ASIC2: variants seen among roughly 807,000 people sequenced by gnomAD.
The protein encoded by ASIC2 is acid sensing ion channel subunit 2, also known as acid-sensing ion channel 2.
ASIC2 carries 25 observed loss-of-function variants against 57.3 expected under a neutral mutation model. That is an observed-to-expected ratio of 0.44 (90% confidence interval 0.32 to 0.61). ASIC2 has a LOEUF of 0.61. ASIC2 is among the 20% of genes least tolerant of loss of function. The pLI, the probability that ASIC2 is intolerant of heterozygous loss-of-function variation, is 0.06. For synonymous variants in ASIC2, 319 were observed against 307.5 expected, an observed-to-expected ratio of 1.04 and a Z score of -0.39; for missense variants, 641 against 738.1, an observed-to-expected ratio of 0.87 and a Z score of 1.52.
chr17:34,149,775 G>A (rs1477375970), intron 1 of ASIC2, among the ~76,000 whole-genome samples: 1 of 152,224 alleles, frequency 6.6e-6, no homozygotes, highest in Non-Finnish European at 1.5e-5. Flanking sequence ...GTGAGCCCTT[G>A]TACACTGTGG....
At chr17:33,628,293 C>G (rs74650934) in intron 1 of ASIC2, among the ~76,000 whole-genome samples, 2 of 143,512 alleles carry the variant, frequency 1.4e-5, no homozygotes, top group Non-Finnish European at 1.5e-5. Flanking sequence ...CCTGTCTGGT[C>G]TTTTTTTTTT....
At chr17:33,116,735 C>A (rs2092282776) in intron 1 of ASIC2, among the ~76,000 whole-genome samples, 2 of 152,126 alleles carry the variant, frequency 1.3e-5, no homozygotes, top group Admixed American at 6.5e-5. Context: ...ATTGAGATTG[C>A]ATATACATAG....
At chr17:33,372,519 C>T (rs1909111291) in intron 1 of ASIC2, among the ~76,000 whole-genome samples, 1 of 152,120 alleles carries the variant, frequency 6.6e-6, no homozygotes, top group Non-Finnish European at 1.5e-5. Flanking sequence ...TGCAGGTGAC[C>T]TTCTGGAACT....
chr17:33,723,173 A>G (rs886523545), intron 1 of ASIC2, among the ~76,000 whole-genome samples: 2 of 152,248 alleles, frequency 1.3e-5, no homozygotes, highest in African/African-American at 4.8e-5. Flanking sequence ...GTCTAGTCAT[A>G]CAATAAAATA....
intron 1 of ASIC2, among the ~76,000 whole-genome samples, chr17:33,601,309 G>A (rs1369520510): frequency 2.0e-5 from 3 of 152,174 alleles, no homozygotes; most frequent in Non-Finnish European, 2.9e-5. Context: ...CTTCCAGGAT[G>A]TCCTTTCCAT....
intron 1 of ASIC2, among the ~76,000 whole-genome samples, chr17:34,077,570 C>T (rs1410268622): frequency 2.0e-5 from 3 of 152,214 alleles, no homozygotes; most frequent in Non-Finnish European, 4.4e-5. Flanking sequence ...GCAGCCTTCA[C>T]TGTCAGAATT....
chr17:33,508,043 T>C (rs1434462991), intron 1 of ASIC2, among the ~76,000 whole-genome samples: 1 of 152,016 alleles, frequency 6.6e-6, no homozygotes, highest in Non-Finnish European at 1.5e-5. Flanking sequence ...ACAAACTTAT[T>C]CCCCTCCTCT....
chr17:34,134,231 G>T (rs560019484), intron 1 of ASIC2, among the ~76,000 whole-genome samples: 1 of 152,280 alleles, frequency 6.6e-6, no homozygotes, highest in South Asian at 2.1e-4. Context: ...GGTGAACAAT[G>T]ATTTAATTGC....
chr17:34,049,552 A>T (rs1335267090), intron 1 of ASIC2, among the ~76,000 whole-genome samples: 1 of 152,074 alleles, frequency 6.6e-6, no homozygotes, highest in Non-Finnish European at 1.5e-5. Flanking sequence ...GATCAAGCCC[A>T]TCCTCCCCAG....
At chr17:34,053,781 T>C (rs1205840929) in intron 1 of ASIC2, among the ~76,000 whole-genome samples, 1 of 152,220 alleles carries the variant, frequency 6.6e-6, no homozygotes, top group Non-Finnish European at 1.5e-5. Context: ...CTTAATCATA[T>C]GCAGGTACTG....
At chr17:34,099,837 A>T (rs1488372959) in intron 1 of ASIC2, among the ~76,000 whole-genome samples, 1 of 152,214 alleles carries the variant, frequency 6.6e-6, no homozygotes, top group East Asian at 1.9e-4. Flanking sequence ...AAGGCTGCAA[A>T]TAGTTCATTG....
At chr17:33,453,428 C>T (rs1452183702) in intron 1 of ASIC2, among the ~76,000 whole-genome samples, 3 of 152,050 alleles carry the variant, frequency 2.0e-5, no homozygotes, top group African/African-American at 7.2e-5. Context: ...AAACCTCTTA[C>T]AGATGGGGGA....
intron 1 of ASIC2, among the ~76,000 whole-genome samples, chr17:33,453,953 A>G (rs1299766985): frequency 2.6e-5 from 4 of 152,210 alleles, no homozygotes; most frequent in Admixed American, 2.0e-4. Context: ...TTGCTGCATG[A>G]ATCAATAGGT....
At chr17:33,451,393 A>G (rs1912243930) in intron 1 of ASIC2, among the ~76,000 whole-genome samples, 1 of 152,088 alleles carries the variant, frequency 6.6e-6, no homozygotes, top group African/African-American at 2.4e-5. Context: ...TCAATGACTC[A>G]CCAGTTAACT....
At chr17:33,166,863 G>T (rs747621153) in intron 1 of ASIC2, among the ~76,000 whole-genome samples, 2 of 152,212 alleles carry the variant, frequency 1.3e-5, no homozygotes, top group African/African-American at 2.4e-5. Context: ...GCAAGACAAT[G>T]ATTTGTTTGT....
At chr17:34,127,806 A>C (rs576348496) in intron 1 of ASIC2, among the ~76,000 whole-genome samples, 13 of 152,322 alleles carry the variant, frequency 8.5e-5, no homozygotes, top group Non-Finnish European at 1.5e-4. Flanking sequence ...ATATGATAAA[A>C]GAGGAGGCTG....
intron 1 of ASIC2, among the ~76,000 whole-genome samples, chr17:33,610,484 T>C (rs1376382667): frequency 1.3e-5 from 2 of 152,180 alleles, no homozygotes; most frequent in African/African-American, 4.8e-5. Context: ...ATTTTGCCTC[T>C]TAACCTGGGC....
At chr17:33,204,102 T>C (rs980095483) in intron 1 of ASIC2, among the ~76,000 whole-genome samples, 4 of 152,244 alleles carry the variant, frequency 2.6e-5, no homozygotes, top group Non-Finnish European at 5.9e-5. Context: ...TCCTCTTACC[T>C]CTGAGAGTTG....
intron 1 of ASIC2, among the ~76,000 whole-genome samples, chr17:34,089,051 C>A (rs1246221868): frequency 6.6e-6 from 1 of 152,218 alleles, no homozygotes; most frequent in South Asian, 2.1e-4. Context: ...CACTGACCTG[C>A]GCCCACTGTC....
Sources: allele counts gnomAD v4.1 joint callset (sites outside exome capture counted in the v4.1 genomes callset), GRCh38; gene constraint gnomAD v4.1.1; transcripts MANE v1.5; gene names NCBI Gene and HGNC (gene_info 2026-07-23, HGNC 2026-07-21).